Variants in DNAH6 observed in about 807,000 individuals in gnomAD.
DNAH6 encodes the protein axonemal beta dynein heavy chain 6.
A neutral mutation model predicts 491.4 loss-of-function variants in DNAH6; 340 were observed. The observed-to-expected ratio is 0.69, with a 90% CI of 0.63 to 0.76. The LOEUF is 0.76. DNAH6 is among the 30% of genes least tolerant of loss of function. DNAH6 has a pLI of 0.00. For missense variants in DNAH6, 4,443 were observed against 4,972.2 expected (o/e 0.89, Z 3.20); for synonymous variants, 1,603 against 1,686.1 (o/e 0.95, Z 1.21).
chr2:84,727,788 G>A lies in DNAH6; in HGVS notation c.10092G>A (p.Glu3364=), dbSNP rs368501478. 2 of 1,551,606 alleles carry A rather than the reference G, an allele frequency of 1.3e-6. No homozygotes were observed. Among genetic ancestry groups the A allele is most frequent in the African/African-American group, 2.7e-5 (2 of 73,170 alleles). ...TCAATGTTTCAAGAGGACTTTTTGA[G>A]CAACATAAACTCATCTACAGCTTTA... The part of the protein sequence containing the change: ...AYVNVSRGLF[E]QHKLIYSFML... Residue 3364 remains glutamate (E), a synonymous_variant, in exon 61 of 77, where the codon GAG becomes GAA. Transcript: ENST00000389394.
chr2:84,818,416 T>C lies in DNAH6; in HGVS notation c.12374-889T>C, dbSNP rs1176199926. ...GGCAGGAGGATCGCTTGAGTCCAGTTCAAGTCTGCAGTTAGCCATAATCAA... is the reference window on the plus strand; with the variant it reads ...GGCAGGAGGATCGCTTGAGTCCAGTCCAAGTCTGCAGTTAGCCATAATCAA... On this transcript the variant is annotated intron_variant, in intron 76 of 76. Coordinates refer to ENST00000389394, the MANE Select transcript of DNAH6 (RefSeq NM_001370.2). 2.2e-5 allele frequency among the ~76,000 whole-genome samples: 3 copies of C among 138,354 alleles called. No individual in the cohort carries two copies. The East Asian group carries it at 6.4e-4, about 30-fold the overall frequency. 90.8% of individuals were successfully genotyped at this position (138,354 alleles called of 152,430 possible). A position where few individuals can be genotyped will look rare whatever the true frequency, so the allele number is the denominator to read the frequency against.
chr2:84,547,533 TG>T lies in DNAH6; in HGVS notation c.1108del (p.Val370Ter). On this transcript the variant is annotated frameshift_variant, in exon 7 of 77. Coordinates refer to ENST00000389394, the MANE Select transcript of DNAH6 (RefSeq NM_001370.2). LOFTEE classifies it high-confidence loss of function. The stretch of plus-strand genomic sequence containing the variant: ...GAGAATTTCGAAATGAGGCAAAATA[TG>T]TAGTCAGGAGGGCTTGTCGATTTGC... Reference protein sequence around the residue: ...LGEFRNEAKYVVRRACRFALR... With the variant: ...LGEFRNEAKYXVRRACRFALR... 1 of 1,551,732 alleles carries T rather than the reference TG, an allele frequency of 6.4e-7. No individual in the cohort carries two copies. Among genetic ancestry groups the T allele is most frequent in the South Asian group, 1.2e-5 (1 of 84,056 alleles).
chr2:84,804,303 A>G (rs1295939571), intron 70 of DNAH6, among the ~76,000 whole-genome samples: 1 of 152,042 alleles, frequency 6.6e-6, no homozygotes, highest in East Asian at 1.9e-4. Context: ...TTTATACCAT[A>G]ATTAGTATCA....
At chr2:84,708,682 AAT>A (rs1471112889) in intron 54 of DNAH6, among the ~76,000 whole-genome samples, 2 of 152,174 alleles carry the variant, frequency 1.3e-5, no homozygotes, top group Admixed American at 1.3e-4. Flanking sequence ...TTTATCAGAG[AAT>A]AAAAGTTTCA....
intron 63 of DNAH6, among the ~76,000 whole-genome samples, chr2:84,747,309 C>T (rs999388296): frequency 2.6e-5 from 4 of 152,136 alleles, no homozygotes; most frequent in African/African-American, 9.7e-5. Context: ...TATTTACTTC[C>T]AAGACACAAT....
intron 11 of DNAH6, among the ~76,000 whole-genome samples, chr2:84,559,941 G>C (rs1396500714): frequency 6.6e-6 from 1 of 152,124 alleles, no homozygotes; most frequent in Non-Finnish European, 1.5e-5. Flanking sequence ...ATGGGAAAAA[G>C]TAATGAGTAT....
At chr2:84,598,978 C>T (rs1342452720) in intron 18 of DNAH6, among the ~76,000 whole-genome samples, 1 of 142,144 alleles carries the variant, frequency 7.0e-6, no homozygotes, top group Admixed American at 7.4e-5. Flanking sequence ...TTCAGTGAGC[C>T]GAAATTGCGC....
chr2:84,608,782 G>A (rs976179417), intron 21 of DNAH6, among the ~76,000 whole-genome samples: 1 of 152,164 alleles, frequency 6.6e-6, no homozygotes, highest in Non-Finnish European at 1.5e-5. Flanking sequence ...TCCCTAACAT[G>A]AGTCAGCCTG....
chr2:84,751,311 C>T (rs1673444391), intron 63 of DNAH6: 1 of 152,242 alleles, frequency 6.6e-6, no homozygotes. Context: ...GATAACCAAA[C>T]TGTTGTTTCC....
chr2:84,728,762 T>C (rs1698881507), intron 61 of DNAH6, among the ~76,000 whole-genome samples: 1 of 152,094 alleles, frequency 6.6e-6, no homozygotes, highest in South Asian at 2.1e-4. Context: ...CCCTCCTTCA[T>C]GTTCATCTGC....
intron 14 of DNAH6, among the ~76,000 whole-genome samples, chr2:84,582,438 G>T (rs897305627): frequency 1.3e-4 from 20 of 152,200 alleles, no homozygotes; most frequent in African/African-American, 4.6e-4. Context: ...GAGGGGCTCA[G>T]CAATCTGTTT....
At chr2:84,651,073 T>C (rs892175112) in intron 33 of DNAH6, among the ~76,000 whole-genome samples, 1 of 152,076 alleles carries the variant, frequency 6.6e-6, no homozygotes, top group Admixed American at 6.6e-5. Flanking sequence ...CCAGTGATAT[T>C]GTCCTGGATA....
At chr2:84,660,110 A>G (rs1159584905) in intron 37 of DNAH6, among the ~76,000 whole-genome samples, 1 of 152,226 alleles carries the variant, frequency 6.6e-6, no homozygotes, top group Non-Finnish European at 1.5e-5. Flanking sequence ...TAGTATACTT[A>G]TTTTTAAATA....
chr2:84,762,892 A>G lies in DNAH6; in HGVS notation c.10650A>G (p.Ser3550=). The G allele has an allele frequency of 6.4e-7, 1 of 1,551,650 alleles. No homozygotes were observed. The part of the protein sequence containing the change: ...TPLVFILSTG[S]DPMGAFQRFA... The stretch of plus-strand genomic sequence containing the variant: ...TGGTATTCATCCTAAGCACAGGCTC[A>G]GATCCCATGGGTGCATTTCAGAGGT... Residue 3550 remains serine, a synonymous_variant, in exon 64 of 77, where the codon TCA becomes TCG. Transcript: ENST00000389394.
intron 47 of DNAH6, among the ~76,000 whole-genome samples, chr2:84,698,003 G>A (rs1695550205): frequency 6.6e-6 from 1 of 152,114 alleles, no homozygotes; most frequent in Admixed American, 6.6e-5. Context: ...TCCTCTTTAA[G>A]CACCAGTTTA....
chr2:84,490,712 C>T, the DNAH6 span, among the ~76,000 whole-genome samples: 2 of 152,128 alleles, frequency 1.3e-5, no homozygotes, highest in Non-Finnish European at 2.9e-5. Flanking sequence ...CAGGTGTGTG[C>T]CACCACACTC....
In DNAH6 at chr2:84,718,355, G is replaced by A. The variant is rs1461842720; in HGVS notation, c.9763G>A (p.Glu3255Lys). 10 of 1,542,400 alleles carry A rather than the reference G, an allele frequency of 6.5e-6. No individual in the cohort carries two copies. The highest frequency in any genetic ancestry group is 7.9e-6 in the Non-Finnish European group (9 of 1,144,496). Residue 3255 changes from glutamate to lysine, a missense_variant, in exon 59 of 77, where the codon GAA (glutamate) becomes AAA (lysine). Transcript: ENST00000389394. ...TSEGNILDNE[E>K]LIDTLQDSKI... ...TGAAGGAAATATTCTGGACAATGAA[G>A]AACTTATTGACACACTCCAGGATTC...
chr2:84,622,967 T>A (rs572669843), intron 26 of DNAH6, among the ~76,000 whole-genome samples: 1 of 152,314 alleles, frequency 6.6e-6, no homozygotes, highest in East Asian at 1.9e-4. Context: ...GTTAGCCCTT[T>A]ATATGTCTTT....
intron 57 of DNAH6, among the ~76,000 whole-genome samples, chr2:84,714,514 T>C (rs1202335348): frequency 1.3e-5 from 2 of 152,038 alleles, no homozygotes; most frequent in South Asian, 2.1e-4. Flanking sequence ...TATAGTTAGA[T>C]AGACTAAATA....
Sources: allele counts gnomAD v4.1 joint callset (sites outside exome capture counted in the v4.1 genomes callset), GRCh38; gene constraint gnomAD v4.1.1; transcripts MANE v1.5; gene names NCBI Gene and HGNC (gene_info 2026-07-23, HGNC 2026-07-21).